Variants in BIRC6 observed in about 807,000 individuals in gnomAD.
BIRC6 encodes baculoviral IAP repeat containing 6.
Under a neutral mutation model 503.3 loss-of-function variants are expected in BIRC6, and 98 were observed. That is an observed-to-expected ratio of 0.19 (90% CI 0.17 to 0.23). The LOEUF (loss-of-function observed/expected upper bound fraction) is 0.23. BIRC6 is among the 10% of genes least tolerant of loss of function. The pLI is 1.00. For synonymous variants in BIRC6, 2,240 were observed against 2,078.7 expected, an observed-to-expected ratio of 1.08 and a Z score of -2.11; for missense variants, 5,360 against 5,806.0, an observed-to-expected ratio of 0.92 and a Z score of 2.50.
intron 3 of BIRC6, among the ~76,000 whole-genome samples, chr2:32,385,261 G>A (rs1448771587): frequency 6.6e-6 from 1 of 152,200 alleles, no homozygotes; most frequent in African/African-American, 2.4e-5. Flanking sequence ...AGTTCCCCAT[G>A]AAGCTATTGA....
In BIRC6 at chr2:32,531,494, T is replaced by A. The variant is rs766793536; in HGVS notation, c.12234T>A (p.Gly4078=). Residue 4078 remains glycine, a synonymous_variant, in exon 61 of 74, where the codon GGT becomes GGA. Transcript: ENST00000421745. ...CATTACAAGTTTTTGCAGGAATGGG[T>A]GGACTGGCTCTTATTGCTGAAAGAC... The part of the protein sequence containing the change: ...QSPLQVFAGM[G]GLALIAERLP... 10 of 1,613,812 alleles carry A rather than the reference T, an allele frequency of 6.2e-6. No individual in the cohort carries two copies. In the South Asian group the frequency reaches 9.9e-5, roughly 16 times the overall value.
At chr2:32,406,783 C>T (rs951296036) in intron 9 of BIRC6, among the ~76,000 whole-genome samples, 3 of 152,138 alleles carry the variant, frequency 2.0e-5, no homozygotes, top group South Asian at 4.1e-4. Flanking sequence ...AAAGGAATTA[C>T]AGTGGATAGT....
Position 32,594,007 on chromosome 2 carries a change from A to G in BIRC6, c.13448A>G (p.Lys4483Arg). The G allele has an allele frequency of 6.2e-7, 1 of 1,613,640 alleles. No individual in the cohort carries two copies. Among genetic ancestry groups the G allele is most frequent in the Admixed American group, 1.7e-5 (1 of 59,996 alleles). The change falls in exon 67 of 74, where the codon AAG becomes AGG. Residue 4483 changes from lysine to arginine, a missense_variant. Lys to Arg is a conservative substitution (Grantham distance 26). Around this residue, in one of 16 missense-constraint regions of BIRC6, gnomAD observed 477 missense variants for 574.4 expected, o/e 0.83. Transcript: ENST00000421745. Reference protein sequence around the residue: ...GLTLLVPDIQKTAEIVYAATT... With the variant: ...GLTLLVPDIQRTAEIVYAATT... ...ACTCTTTTGGTACCAGACATCCAAA[A>G]GACTGCTGAGATAGTTTATGCAGCC...
chr2:32,565,913 G>C (rs1455318141), intron 65 of BIRC6: 2 of 152,156 alleles, frequency 1.3e-5, no homozygotes, highest in African/African-American at 2.4e-5. Context: ...CCATGATTCA[G>C]TTACCTCCCA....
chr2:32,403,563 G>T (rs1191212422), intron 8 of BIRC6, among the ~76,000 whole-genome samples: 1 of 152,054 alleles, frequency 6.6e-6, no homozygotes, highest in Non-Finnish European at 1.5e-5. Context: ...CTTGTCATTT[G>T]TATATCAGGT....
At chr2:32,532,317 G>A in intron 61 of BIRC6, 1 of 460,550 alleles carries the variant, frequency 2.2e-6, no homozygotes, top group Non-Finnish European at 4.4e-6. Context: ...TATCAGCAGG[G>A]CCATGCTCCC....
chr2:32,461,964 C>T (rs1195679840), intron 23 of BIRC6, among the ~76,000 whole-genome samples: 4 of 152,036 alleles, frequency 2.6e-5, no homozygotes, highest in African/African-American at 4.8e-5. Context: ...TTTGGCTTCA[C>T]ATACGCTTTG....
At position 32,479,689 on chromosome 2, in the gene BIRC6, GAA is replaced by G. The variant is rs1005003532; in HGVS notation, c.7408+76_7408+77del. ...ATGTTTCAAAATAAAGAATGTTAGA[GAA>G]AAATAAAGTTGATTTTTATATTTTT... On this transcript the variant is annotated intron_variant, in intron 37 of 73. Coordinates refer to ENST00000421745, the MANE Select transcript of BIRC6 (RefSeq NM_016252.4). 1.8e-5 allele frequency: 24 copies of G among 1,304,926 alleles called. No individual in the cohort carries two copies. In the African/African-American group the frequency reaches 3.0e-4, roughly 16 times the overall value. 80.8% of individuals were successfully genotyped at this position (1,304,926 alleles called of 1,614,324 possible).
chr2:32,586,381 A>G (rs189475863), intron 66 of BIRC6, among the ~76,000 whole-genome samples: 1 of 149,198 alleles, frequency 6.7e-6, no homozygotes, highest in African/African-American at 2.5e-5. Flanking sequence ...ATGTTTCACG[A>G]CAGTTTTCAC....
Position 32,470,160 on chromosome 2 carries a change from GT to G in BIRC6, c.6348-3del, listed in dbSNP as rs933745666. On this transcript the variant is annotated splice_polypyrimidine_tract_variant and splice_region_variant and intron_variant, in intron 30 of 73. Coordinates refer to ENST00000421745, the MANE Select transcript of BIRC6 (RefSeq NM_016252.4). The stretch of plus-strand genomic sequence containing the variant: ...TATTCTTTTCTTTTTTGTTTGTTTT[GT>G]TTTTAGGGTCTTCATGTTACTTTCC... The G allele has an allele frequency of 1.7e-5, 26 of 1,499,902 alleles. No individual in the cohort carries two copies. The highest frequency in any genetic ancestry group is 2.1e-5 in the Non-Finnish European group (24 of 1,126,636). 92.9% of individuals were successfully genotyped at this position (1,499,902 alleles called of 1,614,324 possible). A position where few individuals can be genotyped will look rare whatever the true frequency, so the allele number is the denominator to read the frequency against.
intron 65 of BIRC6, among the ~76,000 whole-genome samples, chr2:32,559,725 A>G (rs1321361049): frequency 6.6e-6 from 1 of 151,746 alleles, no homozygotes; most frequent in African/African-American, 2.4e-5. Context: ...ATCTTTAAAA[A>G]AAAAAAAAAA....
intron 3 of BIRC6, among the ~76,000 whole-genome samples, chr2:32,386,377 A>G (rs1172027834): frequency 1.3e-5 from 2 of 151,804 alleles, no homozygotes; most frequent in Admixed American, 6.6e-5. Flanking sequence ...TTCAAGATTC[A>G]TTTACAACAG....
intron 66 of BIRC6, among the ~76,000 whole-genome samples, chr2:32,588,867 T>A (rs1280467914): frequency 1.3e-5 from 2 of 152,224 alleles, no homozygotes; most frequent in African/African-American, 4.8e-5. Context: ...AAATAGTCAC[T>A]CTGTGAAGAT....
chr2:32,418,700 A>G (rs1393906362), intron 10 of BIRC6, among the ~76,000 whole-genome samples: 2 of 152,240 alleles, frequency 1.3e-5, no homozygotes, highest in African/African-American at 2.4e-5. Flanking sequence ...AATGCTTTCA[A>G]TTATTTGATG....
chr2:32,424,115 A>G (rs2043219828), intron 10 of BIRC6, among the ~76,000 whole-genome samples: 1 of 152,184 alleles, frequency 6.6e-6, no homozygotes, highest in African/African-American at 2.4e-5. Flanking sequence ...TCTAAGATTT[A>G]TGGTAAGAAC....
intron 58 of BIRC6, 128 bp from the exon 59 acceptor site, chr2:32,525,336 T>A: frequency 9.9e-7 from 1 of 1,013,284 alleles, no homozygotes; most frequent in Non-Finnish European, 1.5e-6. Context: ...GATATTGGAT[T>A]AGAAGGAACA....
chr2:32,412,709 A>G (rs116535630), intron 9 of BIRC6, among the ~76,000 whole-genome samples: 2,344 of 151,916 alleles, frequency 0.015, 43 homozygotes, highest in African/African-American at 0.055. Flanking sequence ...CATTCCACTG[A>G]TAATCAGCAG....
Position 32,499,527 on chromosome 2 carries a change from C to G in BIRC6, c.8469-20C>G. 20 of 1,292,874 alleles carry G rather than the reference C, an allele frequency of 1.5e-5. No homozygotes were observed. Among genetic ancestry groups the G allele is most frequent in the South Asian group, 6.5e-5 (4 of 61,634 alleles). The allele number at this position is 1,292,874 out of a possible 1,614,324, so 80.1% of individuals were successfully genotyped here. On this transcript the variant is annotated intron_variant, in intron 45 of 73. Coordinates refer to ENST00000421745, the MANE Select transcript of BIRC6 (RefSeq NM_016252.4). Reference sequence around the variant, plus strand: ...TCTCTCTCTCTCTCTTTTTCTGTCTCTCTCTCTCTCTCTCTGCAGGGGTGC... The same window carrying G: ...TCTCTCTCTCTCTCTTTTTCTGTCTGTCTCTCTCTCTCTCTGCAGGGGTGC...
At chr2:32,377,467 T>G in intron 1 of BIRC6, 121 bp from the exon 2 acceptor site, 1 of 727,880 alleles carries the variant, frequency 1.4e-6, no homozygotes, top group Non-Finnish European at 2.0e-6. Context: ...TTAGAGAAGT[T>G]TTTTCCAGTT....
Sources: allele counts gnomAD v4.1 joint callset (sites outside exome capture counted in the v4.1 genomes callset), GRCh38; gene constraint gnomAD v4.1.1; regional missense constraint gnomAD v4.1.1; transcripts MANE v1.5; gene names NCBI Gene and HGNC (gene_info 2026-07-23, HGNC 2026-07-21).